NMT2: variants seen among roughly 807,000 people sequenced by gnomAD.
The protein encoded by NMT2 is N-myristoyltransferase 2.
A neutral mutation model predicts 65.4 loss-of-function variants in NMT2; 35 were observed. The observed-to-expected ratio is 0.54, with a 90% confidence interval of 0.41 to 0.71. NMT2 has a LOEUF of 0.71. Ranked by LOEUF, NMT2 falls within the 30% of genes least tolerant of loss-of-function variation. The pLI is 0.00. For synonymous variants in NMT2, 226 were observed against 231.8 expected (o/e 0.98, Z 0.23); for missense variants, 489 against 611.3 (o/e 0.80, Z 2.11).
At chr10:15,113,544 A>G (rs899503258) in intron 9 of NMT2, among the ~76,000 whole-genome samples, 1 of 151,862 alleles carries the variant, frequency 6.6e-6, no homozygotes, top group African/African-American at 2.4e-5. Context: ...CAGGCTGACA[A>G]ATGAGTCAAT....
At chr10:15,158,448 T>C (rs770050730) in intron 1 of NMT2, among the ~76,000 whole-genome samples, 6 of 152,074 alleles carry the variant, frequency 3.9e-5, no homozygotes, top group Non-Finnish European at 7.4e-5. Context: ...CAATGAGAAG[T>C]AGAAAAAGAA....
At chr10:15,149,972 A>G (rs1048481266) in intron 1 of NMT2, among the ~76,000 whole-genome samples, 1 of 152,144 alleles carries the variant, frequency 6.6e-6, no homozygotes, top group Non-Finnish European at 1.5e-5. Flanking sequence ...ATCTTTGGAC[A>G]TTTTTTATTC....
intron 3 of NMT2, among the ~76,000 whole-genome samples, chr10:15,134,455 G>A (rs760003368): frequency 7.2e-5 from 11 of 152,172 alleles, no homozygotes; most frequent in Non-Finnish European, 1.2e-4. Flanking sequence ...AGAAGCTTAC[G>A]CATCACACGT....
Position 15,152,832 on chromosome 10 carries a change from C to T in NMT2, c.111-11275G>A, listed in dbSNP as rs1373792521. Among the ~76,000 whole-genome samples, 8 of 152,284 alleles carry T rather than the reference C, an allele frequency of 5.3e-5. No homozygotes were observed. The East Asian group carries it at 1.5e-3, about 29-fold the overall frequency. ...CATCTCAACACACCACACTGCCTTC[C>T]TAAAACTTAACTGAGAAAGATTTTT... On this transcript the variant is annotated intron_variant, in intron 1 of 11. Coordinates refer to ENST00000378165, the MANE Select transcript of NMT2 (RefSeq NM_004808.3).
At chr10:15,138,320 T>G in intron 2 of NMT2, 1 of 470,546 alleles carries the variant, frequency 2.1e-6, no homozygotes, top group Non-Finnish European at 4.4e-6. Context: ...TCTATTTAAA[T>G]GCTTTCTGAA....
chr10:15,144,179 A>G (rs1040878963), intron 1 of NMT2, among the ~76,000 whole-genome samples: 5 of 152,172 alleles, frequency 3.3e-5, no homozygotes, highest in African/African-American at 4.8e-5. Context: ...GTTCAGCAAG[A>G]GTTTTTCTTT....
chr10:15,126,283 G>A (rs916543903), intron 8 of NMT2, among the ~76,000 whole-genome samples: 1 of 152,018 alleles, frequency 6.6e-6, no homozygotes, highest in African/African-American at 2.4e-5. Context: ...ACAAAAATTA[G>A]CTGGGCGTGG....
At chr10:15,161,262 A>G (rs901531016) in intron 1 of NMT2, among the ~76,000 whole-genome samples, 3 of 152,134 alleles carry the variant, frequency 2.0e-5, no homozygotes, top group Non-Finnish European at 4.4e-5. Context: ...TCAGACATGC[A>G]AGAACTCAAA....
Position 15,120,853 on chromosome 10 carries a change from G to A in NMT2, c.1000-1340C>T, listed in dbSNP as rs1845905185. Among the ~76,000 whole-genome samples the A allele has an allele frequency of 2.0e-5, 3 of 152,310 alleles. No homozygotes were observed. In the South Asian group the frequency reaches 6.2e-4, roughly 32 times the overall value. The stretch of plus-strand genomic sequence containing the variant: ...TGTCTAACGGCAAATGGCTGCCAGG[G>A]ACGCGGCCTGGCCTCTCCTGCCACA... On this transcript the variant is annotated intron_variant, in intron 8 of 11. Transcript: ENST00000378165.
rs750859200 is a variant in NMT2, at chr10:15,161,081, C to CAAAAAAAAAAAA, written c.110+7410_110+7421dup. 8.2e-3 allele frequency among the ~76,000 whole-genome samples: 158 copies of CAAAAAAAAAAAA among 19,294 alleles called. 8 individuals carry two copies. The highest frequency in any genetic ancestry group is 0.01 in the East Asian group (3 of 300). 12.7% of individuals were successfully genotyped at this position (19,294 alleles called of 152,430 possible). On this transcript the variant is annotated intron_variant, in intron 1 of 11. Coordinates refer to ENST00000378165, the MANE Select transcript of NMT2 (RefSeq NM_004808.3). ...CAGAGCGAGACTCTGCCTCAAAAAT[C>CAAAAAAAAAAAA]AAAAAAAAAAAAAAAAAAAAAAAAA...
Position 15,153,491 on chromosome 10 carries a change from G to A in NMT2, c.111-11934C>T, listed in dbSNP as rs200946069. On this transcript the variant is annotated intron_variant, in intron 1 of 11. Transcript: ENST00000378165. Reference sequence around the variant, plus strand: ...GGGAGAAGTTCAGCGCAGGGAGAATGAGACTTAACTTCGTTGCCTCCCATT... The same window carrying A: ...GGGAGAAGTTCAGCGCAGGGAGAATAAGACTTAACTTCGTTGCCTCCCATT... 3.3e-5 allele frequency among the ~76,000 whole-genome samples: 5 copies of A among 152,192 alleles called. No individual in the cohort carries two copies. The East Asian group carries it at 9.6e-4, about 29-fold the overall frequency.
rs1287336416 is a variant in NMT2 at position 15,107,407 on chromosome 10, C to T, written c.*1788G>A. ...CCATCATGTCTAAAACAATTAACTT[C>T]TGCACTGAACTTCCTAGGCACTGGC... is the stretch of plus-strand genomic sequence containing the variant. On this transcript the variant is annotated 3_prime_UTR_variant, in exon 12 of 12. Transcript: ENST00000378165. The T allele has an allele frequency of 1.0e-6, 1 of 985,452 alleles. No individual in the cohort carries two copies. The highest frequency in any genetic ancestry group is 4.7e-5 in the South Asian group (1 of 21,292). The allele number at this position is 985,452 out of a possible 1,614,324, so 61.0% of individuals were successfully genotyped here. A position where few individuals can be genotyped will look rare whatever the true frequency, so the allele number is the denominator to read the frequency against.
chr10:15,147,459 G>T (rs1325558988), intron 1 of NMT2, among the ~76,000 whole-genome samples: 1 of 151,916 alleles, frequency 6.6e-6, no homozygotes, highest in Non-Finnish European at 1.5e-5. Context: ...AGATAAACAG[G>T]TCCATGAAAT....
intron 1 of NMT2, among the ~76,000 whole-genome samples, chr10:15,152,930 C>T (rs1832853099): frequency 6.6e-6 from 1 of 152,158 alleles, no homozygotes; most frequent in African/African-American, 2.4e-5. Flanking sequence ...TGTGTACTAG[C>T]ACAAAAGACT....
In NMT2 at chr10:15,133,293, C is replaced by T; in HGVS notation, c.462G>A (p.Leu154=). ...KDNVRQEPYS[L]PQGFMWDTLD... ...AAGTGTCCCACATAAAACCCTGTGG[C>T]AAAGAATACGGTTCTTGGCGTACGT... The change falls in exon 4 of 12, where the codon TTG becomes TTA. Residue 154 remains leucine (L), a synonymous_variant. Transcript: ENST00000378165. 6.2e-7 allele frequency: 1 copy of T among 1,614,166 alleles called. No homozygotes were observed. The highest frequency in any genetic ancestry group is 1.1e-5 in the South Asian group (1 of 91,084).
At chr10:15,156,387 T>A (rs1445893897) in intron 1 of NMT2, among the ~76,000 whole-genome samples, 2 of 152,134 alleles carry the variant, frequency 1.3e-5, no homozygotes, top group Middle Eastern at 6.3e-3. Context: ...TCCTAAGGCT[T>A]CTCCAACTAT....
rs778984016 is a variant in NMT2 at position 15,109,013 on chromosome 10, A to T, written c.*182T>A. On this transcript the variant is annotated 3_prime_UTR_variant, in exon 12 of 12. Coordinates refer to ENST00000378165, the MANE Select transcript of NMT2 (RefSeq NM_004808.3). ...TAGGTCAACAGTAAAAAAAGGATGAAGTTTAACATTCTAGCTAGAAACGTA... is the reference window on the plus strand; with the variant it reads ...TAGGTCAACAGTAAAAAAAGGATGATGTTTAACATTCTAGCTAGAAACGTA... 1.4e-6 allele frequency: 2 copies of T among 1,393,092 alleles called. No homozygotes were observed. Among genetic ancestry groups the T allele is most frequent in the Non-Finnish European group, 9.3e-7 (1 of 1,078,850 alleles). The allele number at this position is 1,393,092 out of a possible 1,614,324, so 86.3% of individuals were successfully genotyped here. A position where few individuals can be genotyped will look rare whatever the true frequency, so the allele number is the denominator to read the frequency against.
chr10:15,149,359 TATC>T (rs1235482706), intron 1 of NMT2, among the ~76,000 whole-genome samples: 2 of 107,404 alleles, frequency 1.9e-5, no homozygotes, highest in East Asian at 3.2e-4. Context: ...TCATCACCAT[TATC>T]ATCACCATCA....
chr10:15,168,624 T>A lies in NMT2; in HGVS notation c.-12A>T. On this transcript the variant is annotated 5_prime_UTR_variant, in exon 1 of 12. Transcript: ENST00000378165. ...CTGTCCTCCGCCATCGCGGCGGCGCTGGCTGGGGAGGCGGTGCTCGGGGCC... is the reference window on the plus strand; with the variant it reads ...CTGTCCTCCGCCATCGCGGCGGCGCAGGCTGGGGAGGCGGTGCTCGGGGCC... 1 of 1,569,552 alleles carries A rather than the reference T, an allele frequency of 6.4e-7. No individual in the cohort carries two copies. The highest frequency in any genetic ancestry group is 8.6e-7 in the Non-Finnish European group (1 of 1,164,634).
Sources: allele counts gnomAD v4.1 joint callset (sites outside exome capture counted in the v4.1 genomes callset), GRCh38; gene constraint gnomAD v4.1.1; transcripts MANE v1.5; gene names NCBI Gene and HGNC (gene_info 2026-07-23, HGNC 2026-07-21).